CAST: variants seen among roughly 807,000 people sequenced by gnomAD.
CAST encodes the protein calpastatin.
A neutral mutation model predicts 119.6 loss-of-function variants in CAST; 76 were observed. That is an observed-to-expected ratio of 0.64 (90% CI 0.53 to 0.77). The LOEUF is 0.77. CAST is among the 30% of genes least tolerant of loss of function. CAST has a pLI of 0.00. For synonymous variants in CAST, 319 were observed against 331.6 expected, an observed-to-expected ratio of 0.96 and a Z score of 0.41; for missense variants, 953 against 946.5, an observed-to-expected ratio of 1.01 and a Z score of -0.09.
intron 16 of CAST, among the ~76,000 whole-genome samples, chr5:96,745,106 C>T (rs1233802474): frequency 6.6e-6 from 1 of 152,198 alleles, no homozygotes; most frequent in Non-Finnish European, 1.5e-5. Context: ...GGAGGACCGT[C>T]TTAATACAGG....
chr5:96,436,600 T>G, the CAST span, among the ~76,000 whole-genome samples: 4 of 152,228 alleles, frequency 2.6e-5, no homozygotes, highest in Admixed American at 6.5e-5. Context: ...TATAGCCGTC[T>G]TTATTTTCTT....
the CAST span, among the ~76,000 whole-genome samples, chr5:96,271,990 G>A: frequency 6.6e-6 from 1 of 152,068 alleles, no homozygotes; most frequent in Non-Finnish European, 1.5e-5. Flanking sequence ...CATACAAATG[G>A]CCATCAGATA....
chr5:96,227,265 A>G, the CAST span, among the ~76,000 whole-genome samples: 2 of 152,236 alleles, frequency 1.3e-5, no homozygotes, highest in Non-Finnish European at 2.9e-5. Flanking sequence ...AATTCAATAC[A>G]TTTTGAATTC....
chr5:96,620,661 C>T (rs1180401730), intron 1 of CAST, among the ~76,000 whole-genome samples: 1 of 152,174 alleles, frequency 6.6e-6, no homozygotes, highest in East Asian at 1.9e-4. Flanking sequence ...GACATAACCT[C>T]ATTGTAAGTT....
At chr5:96,252,718 G>A in the CAST span, among the ~76,000 whole-genome samples, 8 of 152,116 alleles carry the variant, frequency 5.3e-5, no homozygotes, top group Admixed American at 2.0e-4. Context: ...ATTAGGTGAA[G>A]TCTATTTTTA....
the CAST span, among the ~76,000 whole-genome samples, chr5:96,407,608 G>A: frequency 6.6e-6 from 1 of 152,108 alleles, no homozygotes; most frequent in Non-Finnish European, 1.5e-5. Flanking sequence ...TTTATCCTGA[G>A]GAAATTGTCA....
At chr5:96,070,636 C>A in the CAST span, among the ~76,000 whole-genome samples, 2 of 150,430 alleles carry the variant, frequency 1.3e-5, no homozygotes, top group African/African-American at 4.9e-5. Context: ...ATCTGTGGGA[C>A]AGAAAGACAA....
the CAST span, among the ~76,000 whole-genome samples, chr5:96,281,205 T>C: frequency 6.6e-6 from 1 of 152,210 alleles, no homozygotes; most frequent in African/African-American, 2.4e-5. Flanking sequence ...ATTGTTGTTG[T>C]TGCAAATGAC....
At chr5:96,260,280 C>G in the CAST span, among the ~76,000 whole-genome samples, 1 of 152,170 alleles carries the variant, frequency 6.6e-6, no homozygotes, top group Non-Finnish European at 1.5e-5. Flanking sequence ...CAAGGCTGAT[C>G]CGGTCTAGAG....
the CAST span, among the ~76,000 whole-genome samples, chr5:95,972,005 G>C: frequency 6.6e-6 from 1 of 150,586 alleles, no homozygotes; most frequent in Non-Finnish European, 1.5e-5. Context: ...TGTTACCCAG[G>C]CTGGAGTGGA....
chr5:96,140,847 G>C, the CAST span, among the ~76,000 whole-genome samples: 1 of 152,144 alleles, frequency 6.6e-6, no homozygotes, highest in East Asian at 1.9e-4. Flanking sequence ...ATTTATCCTT[G>C]TTCATCCTGA....
the CAST span, among the ~76,000 whole-genome samples, chr5:96,463,299 G>A: frequency 6.6e-5 from 10 of 152,098 alleles, no homozygotes; most frequent in African/African-American, 1.9e-4. Flanking sequence ...GGCGGATTTG[G>A]AAAAGGTCCA....
At chr5:96,550,667 G>GA (rs1294984395) in intron 1 of CAST, among the ~76,000 whole-genome samples, 1 of 152,072 alleles carries the variant, frequency 6.6e-6, no homozygotes, top group Non-Finnish European at 1.5e-5. Context: ...TAAAAATCTT[G>GA]AAAAAAGGTT....
chr5:95,975,581 C>T, the CAST span, among the ~76,000 whole-genome samples: 3 of 152,160 alleles, frequency 2.0e-5, no homozygotes, highest in African/African-American at 7.2e-5. Flanking sequence ...TTGTGAAATT[C>T]AATGATGGTT....
At chr5:96,079,415 G>GTGTT in the CAST span, among the ~76,000 whole-genome samples, 1 of 152,150 alleles carries the variant, frequency 6.6e-6, no homozygotes, top group East Asian at 1.9e-4. Context: ...GATAACTTGG[G>GTGTT]TGTTTGAAAC....
the CAST span, among the ~76,000 whole-genome samples, chr5:96,199,616 A>G: frequency 6.6e-6 from 1 of 152,208 alleles, no homozygotes; most frequent in Non-Finnish European, 1.5e-5. Context: ...ATATTACACA[A>G]TAAGAAAATA....
rs77605130 is a variant in CAST at position 96,689,679 on chromosome 5, A to G, written c.139-6157A>G. On this transcript the variant is annotated intron_variant, in intron 2 of 31. Coordinates refer to ENST00000675179, the MANE Select transcript of CAST (RefSeq NM_001750.7). ...TTAAATAACCCATCTAAGGCCACAC[A>G]GTTATTTAATAATAGAACCCAGAAT... Among the ~76,000 whole-genome samples the G allele has an allele frequency of 9.9e-3, 1,501 of 152,308 alleles. 28 individuals are homozygous for G. Among genetic ancestry groups the G allele is most frequent in the African/African-American group, 0.034 (1,414 of 41,564 alleles).
At chr5:96,397,844 A>T in the CAST span, among the ~76,000 whole-genome samples, 10 of 152,224 alleles carry the variant, frequency 6.6e-5, no homozygotes, top group South Asian at 2.1e-3. Context: ...ATCATTTCTG[A>T]AGTGTGAGAG....
the CAST span, among the ~76,000 whole-genome samples, chr5:96,322,572 T>C: frequency 6.6e-6 from 1 of 152,132 alleles, no homozygotes; most frequent in Non-Finnish European, 1.5e-5. Context: ...GAACATGCCA[T>C]CTGAGACCCT....
Sources: allele counts gnomAD v4.1 joint callset (sites outside exome capture counted in the v4.1 genomes callset), GRCh38; gene constraint gnomAD v4.1.1; transcripts MANE v1.5; gene names NCBI Gene and HGNC (gene_info 2026-07-23, HGNC 2026-07-21).